Variants in AK8 observed in about 807,000 individuals in gnomAD.
AK8 encodes the protein ATP-AMP transphosphorylase 8.
Under a neutral mutation model 54.6 loss-of-function variants are expected in AK8, and 44 were observed. That is an observed-to-expected ratio of 0.81 (90% CI 0.63 to 1.04). AK8 has a LOEUF of 1.04. Among genes scored for constraint, AK8 ranks in the 50% least tolerant of loss-of-function variants. The pLI is 0.00. For synonymous variants in AK8, 239 were observed against 245.6 expected, an observed-to-expected ratio of 0.97 and a Z score of 0.25; for missense variants, 555 against 613.6, an observed-to-expected ratio of 0.90 and a Z score of 1.01.
In AK8 at chr9:132,805,767, G is replaced by A. The variant is rs116246314; in HGVS notation, c.979+8871C>T. Among the ~76,000 whole-genome samples, 320 of 152,100 alleles carry A rather than the reference G, an allele frequency of 2.1e-3. 5 individuals are homozygous for A. Among genetic ancestry groups the A allele is most frequent in the African/African-American group, 7.6e-3 (316 of 41,484 alleles). The stretch of plus-strand genomic sequence containing the variant: ...AACAACGCTTTTACCCTGCCACTCT[G>A]CTTGGCTATCTTGGCCACAGCTTTC... On this transcript the variant is annotated intron_variant, in intron 10 of 12. Transcript: ENST00000298545.
At chr9:132,851,152 A>G (rs1015831082) in intron 5 of AK8, among the ~76,000 whole-genome samples, 7 of 152,166 alleles carry the variant, frequency 4.6e-5, no homozygotes, top group Non-Finnish European at 1.0e-4. Flanking sequence ...CAGATGGGAG[A>G]AGAGCGAGCT....
chr9:132,829,714 A>T (rs963108534), intron 5 of AK8, among the ~76,000 whole-genome samples: 21 of 151,982 alleles, frequency 1.4e-4, no homozygotes, highest in Non-Finnish European at 2.8e-4. Flanking sequence ...ACTGGTTTAG[A>T]GGTTTATTTT....
chr9:132,864,983 T>C (rs1185900950), intron 3 of AK8, among the ~76,000 whole-genome samples: 1 of 152,200 alleles, frequency 6.6e-6, no homozygotes. Context: ...ATGTCAGAAT[T>C]ACCTGGGGAG....
chr9:132,792,559 C>A, intron 11 of AK8, 75 bp downstream of exon 11: 2 of 1,490,186 alleles, frequency 1.3e-6, no homozygotes, highest in Non-Finnish European at 1.8e-6. Context: ...GTAACCTGGA[C>A]CCCTTCAGCT....
intron 11 of AK8, among the ~76,000 whole-genome samples, chr9:132,771,384 C>T (rs768342411): frequency 1.7e-4 from 26 of 152,222 alleles, no homozygotes; most frequent in Non-Finnish European, 2.9e-4. Flanking sequence ...GAATCATGCA[C>T]ATGGCAGCCC....
chr9:132,806,488 C>A (rs75603802), intron 10 of AK8, among the ~76,000 whole-genome samples: 2,734 of 152,062 alleles, frequency 0.018, 99 homozygotes, highest in African/African-American at 0.062. Flanking sequence ...TTGCTGGAAA[C>A]GGGCAGAGGG....
chr9:132,849,797 G>T (rs1842896673), intron 5 of AK8, among the ~76,000 whole-genome samples: 1 of 152,160 alleles, frequency 6.6e-6, no homozygotes, highest in African/African-American at 2.4e-5. Context: ...ACTCAGGCTG[G>T]AGTGCCGTGG....
In AK8 at chr9:132,866,369, T is replaced by C. The variant is rs145725297; in HGVS notation, c.219+535A>G. On this transcript the variant is annotated intron_variant, in intron 3 of 12. Transcript: ENST00000298545. ...CATTTGCTGTATCTTCAAAGATGTA[T>C]TTTCTTTAAAATGAGGAGAGAACAA... Among the ~76,000 whole-genome samples, 767 of 152,290 alleles carry C rather than the reference T, an allele frequency of 5.0e-3. 11 individuals are homozygous for C. Among genetic ancestry groups the C allele is most frequent in the African/African-American group, 0.017 (702 of 41,540 alleles).
chr9:132,873,357 G>A (rs1843939700), intron 2 of AK8, among the ~76,000 whole-genome samples: 2 of 152,110 alleles, frequency 1.3e-5, no homozygotes. Flanking sequence ...AGGAAAGTGA[G>A]GCCAAAGAGA....
At chr9:132,866,555 T>C (rs1011187055) in intron 3 of AK8, among the ~76,000 whole-genome samples, 2 of 152,126 alleles carry the variant, frequency 1.3e-5, no homozygotes, top group Non-Finnish European at 2.9e-5. Flanking sequence ...GTCTATGAAA[T>C]GCGTGTACTG....
intron 5 of AK8, among the ~76,000 whole-genome samples, chr9:132,852,190 G>A (rs1842992756): frequency 6.6e-6 from 1 of 152,170 alleles, no homozygotes; most frequent in South Asian, 2.1e-4. Context: ...AAAAACAATA[G>A]GGGCCAGGCA....
intron 11 of AK8, among the ~76,000 whole-genome samples, chr9:132,733,170 A>G (rs1836932683): frequency 6.6e-6 from 1 of 152,080 alleles, no homozygotes; most frequent in Admixed American, 6.5e-5. Flanking sequence ...CTCCTTGCAC[A>G]TGTGCTTGAT....
rs1017776267 is a variant in AK8, at chr9:132,872,032, T to C, written c.169+3083A>G. 2.6e-5 allele frequency among the ~76,000 whole-genome samples: 4 copies of C among 152,254 alleles called. 1 individual carries two copies. On this transcript the variant is annotated intron_variant, in intron 2 of 12. Coordinates refer to ENST00000298545, the MANE Select transcript of AK8 (RefSeq NM_152572.3). ...CTGGGGAACTAGGTAAGCCTTGAAG[T>C]AGCGGTTTAAGAACACAGAGGGCCA... is the stretch of plus-strand genomic sequence containing the variant.
chr9:132,827,839 C>T, intron 7 of AK8, 174 bp downstream of exon 7: 2 of 605,880 alleles, frequency 3.3e-6, no homozygotes, highest in Non-Finnish European at 5.7e-6. Context: ...CCTCATCTAC[C>T]AGAATGTACC....
At chr9:132,832,112 A>T (rs1842129413) in intron 5 of AK8, among the ~76,000 whole-genome samples, 1 of 147,052 alleles carries the variant, frequency 6.8e-6, no homozygotes, top group Non-Finnish European at 1.5e-5. Context: ...CTTCCATATT[A>T]AAATATTTAG....
At chr9:132,851,370 G>C (rs1001948531) in intron 5 of AK8, among the ~76,000 whole-genome samples, 1 of 152,220 alleles carries the variant, frequency 6.6e-6, no homozygotes, top group Admixed American at 6.5e-5. Flanking sequence ...CCCACCACTT[G>C]ACCCTGGTCA....
chr9:132,762,183 T>C (rs1226083903), intron 11 of AK8, among the ~76,000 whole-genome samples: 3 of 152,218 alleles, frequency 2.0e-5, no homozygotes, highest in Non-Finnish European at 4.4e-5. Flanking sequence ...CTTTCTTTTT[T>C]AATTGATCAA....
chr9:132,795,271 G>C (rs1840109630), intron 10 of AK8, among the ~76,000 whole-genome samples: 1 of 152,154 alleles, frequency 6.6e-6, no homozygotes. Context: ...GAGGGAGCTG[G>C]CATGTTGTCT....
chr9:132,763,851 G>A (rs1357303373), intron 11 of AK8, among the ~76,000 whole-genome samples: 1 of 152,132 alleles, frequency 6.6e-6, no homozygotes, highest in African/African-American at 2.4e-5. Flanking sequence ...AGCCTACAGG[G>A]TACAGCAAAT....
Sources: allele counts gnomAD v4.1 joint callset (sites outside exome capture counted in the v4.1 genomes callset), GRCh38; gene constraint gnomAD v4.1.1; transcripts MANE v1.5; gene names NCBI Gene and HGNC (gene_info 2026-07-23, HGNC 2026-07-21).